The following WNT9B variants were observed in gnomAD, a reference collection of about 807,000 sequenced individuals.
WNT9B encodes Wnt family member 9B, also known as protein Wnt-9b.
WNT9B carries 12 observed loss-of-function variants against 30.2 expected under a neutral mutation model. That is an observed-to-expected ratio of 0.40 (90% confidence interval 0.26 to 0.64). WNT9B has a LOEUF of 0.64. Among genes scored for constraint, WNT9B ranks in the 30% least tolerant of loss-of-function variants. WNT9B has a pLI of 0.42. For synonymous variants in WNT9B, 218 were observed against 216.9 expected, an observed-to-expected ratio of 1.01 and a Z score of -0.05; for missense variants, 442 against 485.2, an observed-to-expected ratio of 0.91 and a Z score of 0.84.
intron 1 of WNT9B, among the ~76,000 whole-genome samples, chr17:46,840,290 G>A (rs999639931): frequency 6.6e-6 from 1 of 152,114 alleles, no homozygotes; most frequent in Non-Finnish European, 1.5e-5. Flanking sequence ...GTTTCACCGT[G>A]TTAGCCAGGA....
At chr17:46,849,121 C>T (rs4968277), upstream of WNT9B, among the ~76,000 whole-genome samples, 29,836 of 152,178 alleles carry the variant, frequency 0.2, 3,595 homozygotes, top group East Asian at 0.49. Context: ...ACAGTTCTAA[C>T]ATCAGGAGGA....
intron 1 of WNT9B, among the ~76,000 whole-genome samples, chr17:46,866,213 T>C (rs2085132292): frequency 6.6e-6 from 1 of 151,996 alleles, no homozygotes; most frequent in Admixed American, 6.6e-5. Flanking sequence ...GAGTTGGTGT[T>C]GAGCAGCCAC....
chr17:46,876,585 T>A lies in WNT9B; in HGVS notation c.941T>A (p.Leu314Gln). 1 of 1,613,490 alleles carries A rather than the reference T, an allele frequency of 6.2e-7. No individual in the cohort carries two copies. The highest frequency in any genetic ancestry group is 1.3e-5 in the African/African-American group (1 of 75,074). ...TCCCGGGAGGCCAGCTGCAGCAGCC[T>A]GTGCTGCGGGCGGGGCTATGACACC... ...VCSREASCSSLCCGRGYDTQS... is the reference protein window; with the variant it reads ...VCSREASCSSQCCGRGYDTQS... Residue 314 changes from leucine (L) to glutamine (Q), a missense_variant, in exon 4 of 4, where the codon CTG becomes CAG. Transcript: ENST00000290015.
At chr17:46,838,520 AG>A (rs2084660426) in intron 1 of WNT9B, among the ~76,000 whole-genome samples, 1 of 151,964 alleles carries the variant, frequency 6.6e-6, no homozygotes, top group Non-Finnish European at 1.5e-5. Flanking sequence ...CTAGCTTCTC[AG>A]GAGGCTAAGG....
chr17:46,841,413 C>CGAGTGA (rs1419727072), intron 1 of WNT9B, among the ~76,000 whole-genome samples: 1 of 152,276 alleles, frequency 6.6e-6, no homozygotes, highest in African/African-American at 2.4e-5. Context: ...TATTCATCAC[C>CGAGTGA]GAGTGAGAGT....
Position 46,851,619 on chromosome 17 carries a change from G to C in WNT9B, c.-20G>C. On this transcript the variant is annotated 5_prime_UTR_variant, in exon 1 of 4. Coordinates refer to ENST00000290015, the MANE Select transcript of WNT9B (RefSeq NM_003396.3). This position sits in a 1 kb window ranked among gnomAD's most constrained non-coding sequence, Gnocchi z 4.3. ...TGAGCGGCGCGAGGAGATGCTAGAG[G>C]GCGCAGCGCCGCCAGCACCATGCGC... 1 of 1,246,234 alleles carries C rather than the reference G, an allele frequency of 8.0e-7. No individual in the cohort carries two copies. Among genetic ancestry groups the C allele is most frequent in the South Asian group, 3.0e-5 (1 of 33,794 alleles). The allele number at this position is 1,246,234 out of a possible 1,614,324, so 77.2% of individuals were successfully genotyped here.
intron 2 of WNT9B, chr17:46,874,883 G>T: frequency 1.4e-6 from 1 of 714,180 alleles, no homozygotes; most frequent in Non-Finnish European, 2.4e-6. Context: ...CAGCCTGGAA[G>T]TTCCATTTAA....
In WNT9B at chr17:46,876,841, T is replaced by G; in HGVS notation, c.*123T>G. On this transcript the variant is annotated 3_prime_UTR_variant, in exon 4 of 4. Coordinates refer to ENST00000290015, the MANE Select transcript of WNT9B (RefSeq NM_003396.3). ...ATGCATAAACCGGCATGTGTGCCAATGCACACGAGTGTGCCACTCACCACC... is the reference window on the plus strand; with the variant it reads ...ATGCATAAACCGGCATGTGTGCCAAGGCACACGAGTGTGCCACTCACCACC... 7.0e-7 allele frequency: 1 copy of G among 1,430,584 alleles called. No homozygotes were observed. 88.6% of individuals were successfully genotyped at this position (1,430,584 alleles called of 1,614,324 possible).
chr17:46,874,572 T>C (rs2085311381), intron 2 of WNT9B, among the ~76,000 whole-genome samples: 1 of 152,138 alleles, frequency 6.6e-6, no homozygotes, highest in African/African-American at 2.4e-5. Context: ...TATTTATTTA[T>C]TTATAAATTA....
chr17:46,882,528 T>C (rs995882007), downstream of WNT9B, among the ~76,000 whole-genome samples: 1 of 151,694 alleles, frequency 6.6e-6, no homozygotes, highest in Admixed American at 6.6e-5. Context: ...CTCCACCTCC[T>C]AGGTTCAAGC....
intron 2 of WNT9B, 122 bp downstream of exon 2, chr17:46,872,895 T>G: frequency 8.2e-7 from 1 of 1,218,678 alleles, no homozygotes; most frequent in Non-Finnish European, 1.1e-6. Context: ...CTGCCCTTCC[T>G]GCCCTAGCAC....
chr17:46,852,406 G>A (rs937733570), intron 1 of WNT9B, among the ~76,000 whole-genome samples: 3 of 148,922 alleles, frequency 2.0e-5, no homozygotes, highest in Admixed American at 6.7e-5. Flanking sequence ...GTGTGTGTGT[G>A]TGTGTGTGTG....
chr17:46,838,395 G>A (rs929891008), intron 1 of WNT9B, among the ~76,000 whole-genome samples: 2 of 151,804 alleles, frequency 1.3e-5, no homozygotes, highest in Middle Eastern at 3.4e-3. Flanking sequence ...GGAAGGCCAA[G>A]GCAGGAGGAT....
chr17:46,866,497 G>T (rs982442492), intron 1 of WNT9B, among the ~76,000 whole-genome samples: 1 of 151,874 alleles, frequency 6.6e-6, no homozygotes, highest in Non-Finnish European at 1.5e-5. Flanking sequence ...TGTGTAGGGG[G>T]ATCAGTGAGG....
chr17:46,866,844 C>A (rs535631332), intron 1 of WNT9B, among the ~76,000 whole-genome samples: 1 of 152,284 alleles, frequency 6.6e-6, no homozygotes, highest in East Asian at 1.9e-4. Context: ...CCCTCTCAAG[C>A]AGAAACTAGG....
intron 1 of WNT9B, among the ~76,000 whole-genome samples, chr17:46,863,935 T>A (rs1245423294): frequency 6.6e-6 from 1 of 152,152 alleles, no homozygotes; most frequent in East Asian, 1.9e-4. Flanking sequence ...TCCCTACAGC[T>A]GGGCGAAGGG....
intron 1 of WNT9B, among the ~76,000 whole-genome samples, chr17:46,837,976 G>T (rs928232318): frequency 6.6e-6 from 1 of 152,142 alleles, no homozygotes; most frequent in Non-Finnish European, 1.5e-5. Context: ...CGTTTTCCAC[G>T]TGTACATCAC....
At chr17:46,846,898 T>C (rs1234947653), upstream of WNT9B, among the ~76,000 whole-genome samples, 3 of 152,062 alleles carry the variant, frequency 2.0e-5, no homozygotes, top group Non-Finnish European at 4.4e-5. Flanking sequence ...CAGGGGCCCT[T>C]CCCGCAGAAG....
At chr17:46,882,537 G>A (rs1178653925), downstream of WNT9B, among the ~76,000 whole-genome samples, 1 of 152,010 alleles carries the variant, frequency 6.6e-6, no homozygotes, top group African/African-American at 2.4e-5. Context: ...CTAGGTTCAA[G>A]CGATTCTCCT....
Sources: allele counts gnomAD v4.1 joint callset (sites outside exome capture counted in the v4.1 genomes callset), GRCh38; gene constraint gnomAD v4.1.1; non-coding constraint Gnocchi (gnomAD v3.1); transcripts MANE v1.5; gene names NCBI Gene and HGNC (gene_info 2026-07-23, HGNC 2026-07-21).